ATP2B1: variants seen among roughly 807,000 people sequenced by gnomAD.
The protein encoded by ATP2B1 is ATPase plasma membrane Ca2+ transporting 1.
A neutral mutation model predicts 124.2 loss-of-function variants in ATP2B1; 14 were observed. That is an observed-to-expected ratio of 0.11 (90% CI 0.07 to 0.18). The LOEUF is 0.18. Ranked by LOEUF, ATP2B1 falls within the 10% of genes least tolerant of loss-of-function variation. The pLI, the probability that ATP2B1 is intolerant of heterozygous loss-of-function variation, is 1.00. For missense variants in ATP2B1, 763 were observed against 1,466.1 expected (o/e 0.52, Z 7.83); for synonymous variants, 449 against 492.4 (o/e 0.91, Z 1.17).
intron 6 of ATP2B1, among the ~76,000 whole-genome samples, chr12:89,630,214 C>T (rs1881622595): frequency 1.3e-5 from 2 of 152,004 alleles, no homozygotes; most frequent in African/African-American, 4.8e-5. Flanking sequence ...AGAAAAAATC[C>T]GCCGTGAGAG....
In ATP2B1 at chr12:89,627,661, T is replaced by C. The variant is rs1486184390; in HGVS notation, c.967+17A>G. ...AATGAAAACAAGCTCACTGTACTTTTGTCCTCCTAAATTTACCTTTGTTGC... is the reference window on the plus strand; with the variant it reads ...AATGAAAACAAGCTCACTGTACTTTCGTCCTCCTAAATTTACCTTTGTTGC... On this transcript the variant is annotated intron_variant, in intron 7 of 20. Coordinates refer to ENST00000428670, the MANE Select transcript of ATP2B1 (RefSeq NM_001366521.1). The C allele has an allele frequency of 6.2e-7, 1 of 1,612,848 alleles. No homozygotes were observed.
At chr12:89,646,621 T>C (rs1339980132) in intron 2 of ATP2B1, among the ~76,000 whole-genome samples, 1 of 152,162 alleles carries the variant, frequency 6.6e-6, no homozygotes. Context: ...GACCAGAGAA[T>C]GGAACACTTT....
At chr12:89,639,666 T>C (rs1883227695) in intron 3 of ATP2B1, among the ~76,000 whole-genome samples, 1 of 152,042 alleles carries the variant, frequency 6.6e-6, no homozygotes, top group African/African-American at 2.4e-5. Flanking sequence ...TAAGAACTTC[T>C]AGTGAACTCT....
chr12:89,697,520 C>T (rs947614128), intron 1 of ATP2B1, among the ~76,000 whole-genome samples: 1 of 152,104 alleles, frequency 6.6e-6, no homozygotes, highest in African/African-American at 2.4e-5. Flanking sequence ...ATCTAAATTG[C>T]ACAAGACTGT....
intron 1 of ATP2B1, among the ~76,000 whole-genome samples, chr12:89,698,320 A>T (rs1268872789): frequency 6.6e-6 from 1 of 152,240 alleles, no homozygotes; most frequent in Non-Finnish European, 1.5e-5. Context: ...AATAACAAGA[A>T]CTACTAATAT....
intron 1 of ATP2B1, among the ~76,000 whole-genome samples, chr12:89,704,509 G>A (rs1892218730): frequency 6.6e-6 from 1 of 151,930 alleles, no homozygotes; most frequent in South Asian, 2.1e-4. Context: ...ATAATGAGAA[G>A]AGCAATGAGC....
intron 6 of ATP2B1, among the ~76,000 whole-genome samples, chr12:89,628,271 A>G (rs1881233222): frequency 6.6e-6 from 1 of 152,076 alleles, no homozygotes; most frequent in Non-Finnish European, 1.5e-5. Flanking sequence ...GTGTGGTGGC[A>G]TGCACCTGTA....
At chr12:89,611,131 A>C in intron 13 of ATP2B1, 62 bp downstream of exon 13, 1 of 1,427,600 alleles carries the variant, frequency 7.0e-7, no homozygotes, top group African/African-American at 1.4e-5. Flanking sequence ...GTGTTTGTTG[A>C]GTTAAATTCC....
At chr12:89,643,065 T>TACACACACAC (rs145355576) in intron 2 of ATP2B1, among the ~76,000 whole-genome samples, 1,835 of 143,608 alleles carry the variant, frequency 0.013, 40 homozygotes, top group African/African-American at 0.042. Flanking sequence ...TAAAGATACA[T>TACACACACAC]ACACACACAC....
At position 89,615,755 on chromosome 12, in the gene ATP2B1, C is replaced by G. The variant is rs117765395; in HGVS notation, c.2067+1047G>C. ...TACCTGACCCCTCCAGTGGTCAATA[C>G]AGTACAGTAGTCTTTTAAGCACATG... On this transcript the variant is annotated intron_variant, in intron 12 of 20. Transcript: ENST00000428670. Among the ~76,000 whole-genome samples the G allele has an allele frequency of 2.0e-4, 31 of 152,260 alleles. No individual in the cohort carries two copies. In the East Asian group the frequency reaches 2.1e-3, roughly 10 times the overall value.
At chr12:89,670,103 T>C (rs910457529) in intron 1 of ATP2B1, among the ~76,000 whole-genome samples, 1 of 152,064 alleles carries the variant, frequency 6.6e-6, no homozygotes, top group Non-Finnish European at 1.5e-5. Flanking sequence ...AAATGCCAAA[T>C]TGGAAAACTC....
At chr12:89,654,847 C>A (rs1885765595) in intron 2 of ATP2B1, among the ~76,000 whole-genome samples, 2 of 152,060 alleles carry the variant, frequency 1.3e-5, no homozygotes, top group Non-Finnish European at 2.9e-5. Context: ...TTAATAATTT[C>A]TCATCCTTAA....
chr12:89,646,500 G>GAACAA, intron 2 of ATP2B1, among the ~76,000 whole-genome samples: 1 of 152,188 alleles, frequency 6.6e-6, no homozygotes, highest in South Asian at 2.1e-4. Context: ...GGGGAGTGGG[G>GAACAA]AACAAAACAA....
At chr12:89,680,431 A>G (rs1286861391) in intron 1 of ATP2B1, among the ~76,000 whole-genome samples, 2 of 152,212 alleles carry the variant, frequency 1.3e-5, no homozygotes, top group Non-Finnish European at 2.9e-5. Context: ...AAATTGAAAG[A>G]AAAAAGACAA....
At chr12:89,658,122 C>T (rs989924572) in intron 1 of ATP2B1, among the ~76,000 whole-genome samples, 1 of 152,142 alleles carries the variant, frequency 6.6e-6, no homozygotes, top group East Asian at 1.9e-4. Context: ...CTGAACATCA[C>T]ACTAACCTTA....
chr12:89,630,637 C>T lies in ATP2B1; in HGVS notation c.796G>A (p.Val266Ile). 6.4e-7 allele frequency: 1 copy of T among 1,554,790 alleles called. No individual in the cohort carries two copies. Among genetic ancestry groups the T allele is most frequent in the South Asian group, 1.2e-5 (1 of 80,166 alleles). The change falls in exon 6 of 21, where the codon GTA becomes ATA. Residue 266 changes from valine (V) to isoleucine (I), a missense_variant. By Grantham distance (29) the Val-to-Ile change is conservative (BLOSUM62 3). Transcript: ENST00000428670. ...ACCATTCTTCCAGAGCCTTCCATTA[C>T]ATGAGTACCTATAACCAAAAACATA... Reference protein sequence around the residue: ...KDPLLLSGTHVMEGSGRMVVT... With the variant: ...KDPLLLSGTHIMEGSGRMVVT...
intron 1 of ATP2B1, among the ~76,000 whole-genome samples, chr12:89,657,606 T>C (rs1411145366): frequency 6.6e-6 from 1 of 152,232 alleles, no homozygotes; most frequent in South Asian, 2.1e-4. Context: ...TACATCATGG[T>C]GTATGGTCCT....
At chr12:89,694,633 C>T (rs1378166864) in intron 1 of ATP2B1, among the ~76,000 whole-genome samples, 7 of 152,214 alleles carry the variant, frequency 4.6e-5, no homozygotes, top group South Asian at 4.2e-4. Flanking sequence ...AGGAGCAAGT[C>T]CAACATTATG....
Position 89,594,006 on chromosome 12 carries a change from A to G in ATP2B1, c.3352-2711T>C, listed in dbSNP as rs1874090728. ...ATCCCTAACTTCACTTGAATAAAAC[A>G]TTCCATAAGATTAAGGTTAATGCTT... On this transcript the variant is annotated intron_variant, in intron 20 of 20. Coordinates refer to ENST00000428670, the MANE Select transcript of ATP2B1 (RefSeq NM_001366521.1). The G allele has an allele frequency of 2.6e-5, 4 of 152,052 alleles. No individual in the cohort carries two copies. The South Asian group carries it at 8.3e-4, about 31-fold the overall frequency. The allele number at this position is 152,052 out of a possible 1,614,324, so 9.4% of individuals were successfully genotyped here. A position where few individuals can be genotyped will look rare whatever the true frequency, so the allele number is the denominator to read the frequency against.
Sources: gnomAD v4.1 joint callset for allele counts (sites outside exome capture counted in the v4.1 genomes callset) on GRCh38, gnomAD v4.1.1 for gene constraint, MANE v1.5 for transcripts, NCBI Gene and HGNC (gene_info 2026-07-23, HGNC 2026-07-21) for gene names.